Variants in TEX9 observed in about 807,000 individuals in gnomAD.
TEX9 encodes testis expressed 9, also known as testis-expressed protein 9.
In TEX9, 74 loss-of-function variants were observed where a neutral mutation model predicts 59.6. The observed-to-expected ratio is 1.24, with a 90% CI of 1.03 to 1.51. The LOEUF is 1.51. Ranked by LOEUF, TEX9 falls within the 40% of genes most tolerant of loss-of-function variation. The pLI is 0.00. For missense variants in TEX9, 522 were observed against 447.8 expected (o/e 1.17, Z -1.49); for synonymous variants, 186 against 152.2 (o/e 1.22, Z -1.64).
At chr15:56,422,993 T>G (rs761421604) in intron 10 of TEX9, among the ~76,000 whole-genome samples, 3 of 152,314 alleles carry the variant, frequency 2.0e-5, no homozygotes, top group South Asian at 2.1e-4. Context: ...TTCATTCCTT[T>G]TTAAGGCTTA....
chr15:56,267,939 A>G (rs2044427575), intron 1 of TEX9, among the ~76,000 whole-genome samples: 1 of 152,132 alleles, frequency 6.6e-6, no homozygotes, highest in Non-Finnish European at 1.5e-5. Context: ...TTTTCACGAT[A>G]TTGATTCTTC....
At chr15:56,374,936 A>G (rs1193490380) in intron 3 of TEX9, among the ~76,000 whole-genome samples, 1 of 152,140 alleles carries the variant, frequency 6.6e-6, no homozygotes, top group Non-Finnish European at 1.5e-5. Flanking sequence ...CATTTTATTT[A>G]TCGATTCATC....
At chr15:56,369,378 G>A (rs982100198) in intron 2 of TEX9, among the ~76,000 whole-genome samples, 8 of 148,888 alleles carry the variant, frequency 5.4e-5, no homozygotes, top group African/African-American at 2.0e-4. Context: ...TTTTGAGACA[G>A]GGTCTCACCC....
chr15:56,378,282 G>A (rs8024095), intron 3 of TEX9, among the ~76,000 whole-genome samples: 4,196 of 152,192 alleles, frequency 0.028, 190 homozygotes, highest in African/African-American at 0.095. Flanking sequence ...GGAATAGTTT[G>A]AGTTGGTTTG....
chr15:56,249,917 A>G (rs1420461153), intron 1 of TEX9, among the ~76,000 whole-genome samples: 3 of 152,120 alleles, frequency 2.0e-5, no homozygotes, highest in African/African-American at 7.2e-5. Flanking sequence ...CAATGCCATT[A>G]GGGAGGCTGG....
chr15:56,403,077 G>C (rs1186442881), intron 9 of TEX9, among the ~76,000 whole-genome samples: 1 of 152,216 alleles, frequency 6.6e-6, no homozygotes, highest in Non-Finnish European at 1.5e-5. Flanking sequence ...ACTGGCACAA[G>C]AGAAGGATGC....
intron 1 of TEX9, among the ~76,000 whole-genome samples, chr15:56,251,624 G>A (rs79454674): frequency 0.011 from 1,645 of 152,200 alleles, 32 homozygotes; most frequent in African/African-American, 0.036. Flanking sequence ...GAAACCATTA[G>A]ACAACAACCA....
chr15:56,422,593 C>G (rs555708820), intron 10 of TEX9, among the ~76,000 whole-genome samples: 2 of 151,898 alleles, frequency 1.3e-5, no homozygotes, highest in East Asian at 3.9e-4. Flanking sequence ...ACCCCCCACC[C>G]TTTCTGCTAT....
At chr15:56,402,525 C>A (rs1213253207) in intron 9 of TEX9, among the ~76,000 whole-genome samples, 1 of 152,142 alleles carries the variant, frequency 6.6e-6, no homozygotes, top group African/African-American at 2.4e-5. Flanking sequence ...AATCCAGAAC[C>A]AGATGGATTC....
intron 1 of TEX9, among the ~76,000 whole-genome samples, chr15:56,333,477 T>TAAAAAA (rs35539808): frequency 3.5e-5 from 5 of 142,244 alleles, no homozygotes; most frequent in Admixed American, 7.0e-5. Flanking sequence ...TCCTTCATGA[T>TAAAAAA]AAAAAAAAAA....
At chr15:56,258,121 G>A (rs1294795589) in intron 1 of TEX9, among the ~76,000 whole-genome samples, 1 of 152,018 alleles carries the variant, frequency 6.6e-6, no homozygotes, top group Non-Finnish European at 1.5e-5. Context: ...TTATTTCTGG[G>A]TGTTCTACTC....
intron 3 of TEX9, 89 bp downstream of exon 3, chr15:56,373,593 A>AGTGTTTT: frequency 9.4e-7 from 1 of 1,064,294 alleles, no homozygotes; most frequent in Non-Finnish European, 1.3e-6. Flanking sequence ...ACAAAACACT[A>AGTGTTTT]GCCAAAGCAT....
intron 9 of TEX9, among the ~76,000 whole-genome samples, chr15:56,400,852 A>C (rs765634672): frequency 2.6e-5 from 4 of 152,174 alleles, no homozygotes; most frequent in Non-Finnish European, 5.9e-5. Flanking sequence ...AAGAATTTTC[A>C]ATCTAGAATT....
intron 1 of TEX9, among the ~76,000 whole-genome samples, chr15:56,342,108 A>G (rs1301833190): frequency 1.3e-5 from 2 of 152,108 alleles, no homozygotes; most frequent in Admixed American, 1.3e-4. Flanking sequence ...TGACCATCCA[A>G]CTAAGAACTA....
chr15:56,358,342 T>TC (rs1233039505), intron 1 of TEX9, among the ~76,000 whole-genome samples: 1 of 151,830 alleles, frequency 6.6e-6, no homozygotes, highest in African/African-American at 2.4e-5. Flanking sequence ...TAGATAAGTT[T>TC]TTTTTTTTTT....
intron 12 of TEX9, among the ~76,000 whole-genome samples, chr15:56,432,444 C>CA (rs2050620778): frequency 6.6e-6 from 1 of 151,968 alleles, no homozygotes; most frequent in Non-Finnish European, 1.5e-5. Flanking sequence ...CTCTGAAATC[C>CA]AAAAAACATG....
intron 2 of TEX9, among the ~76,000 whole-genome samples, chr15:56,366,545 T>C (rs1210543189): frequency 6.6e-6 from 1 of 152,190 alleles, no homozygotes; most frequent in Non-Finnish European, 1.5e-5. Flanking sequence ...TTCTTTCTAA[T>C]TAGCATAATT....
At chr15:56,290,327 A>G (rs1284005453) in intron 1 of TEX9, among the ~76,000 whole-genome samples, 1 of 152,066 alleles carries the variant, frequency 6.6e-6, no homozygotes, top group Non-Finnish European at 1.5e-5. Flanking sequence ...CCTCTGTAGA[A>G]CAGGCTGCTA....
chr15:56,364,320 A>AT (rs77946095), upstream of TEX9, among the ~76,000 whole-genome samples: 472 of 144,548 alleles, frequency 3.3e-3, 3 homozygotes, highest in African/African-American at 0.01. Context: ...CACCCGGCTA[A>AT]TTTTTTTTTT....
Sources: allele counts gnomAD v4.1 joint callset (sites outside exome capture counted in the v4.1 genomes callset), GRCh38; gene constraint gnomAD v4.1.1; transcripts MANE v1.5; gene names NCBI Gene and HGNC (gene_info 2026-07-23, HGNC 2026-07-21).